Variants in APBA1 observed in about 807,000 individuals in gnomAD.
APBA1 encodes amyloid-beta A4 precursor protein-binding family A member 1.
In APBA1, 55 loss-of-function variants were observed where a neutral mutation model predicts 86.6. The ratio of observed to expected loss-of-function variants is 0.64; its 90% CI spans 0.51 to 0.80. The LOEUF is 0.80. Ranked by LOEUF, APBA1 falls within the 30% of genes least tolerant of loss-of-function variation. The pLI is 0.00. For missense variants in APBA1, 1,090 were observed against 1,183.0 expected (o/e 0.92, Z 1.15); for synonymous variants, 511 against 493.9 (o/e 1.03, Z -0.46).
intron 1 of APBA1, among the ~76,000 whole-genome samples, chr9:69,596,360 T>A (rs908420095): frequency 2.6e-5 from 4 of 152,230 alleles, no homozygotes; most frequent in Non-Finnish European, 5.9e-5. Context: ...TTTTATTCTT[T>A]CCAGGCATCT....
chr9:69,630,454 C>T (rs565579552), intron 1 of APBA1, among the ~76,000 whole-genome samples: 1 of 152,174 alleles, frequency 6.6e-6, no homozygotes, highest in Non-Finnish European at 1.5e-5. Context: ...CCATTCCACC[C>T]TCCTGGTCGC....
chr9:69,456,757 G>A (rs982717373), intron 7 of APBA1, among the ~76,000 whole-genome samples: 30 of 151,826 alleles, frequency 2.0e-4, no homozygotes, highest in African/African-American at 7.0e-4. Context: ...GTGAATGTAA[G>A]AGATTTTAAA....
chr9:69,609,998 G>A (rs1352590272), intron 1 of APBA1, among the ~76,000 whole-genome samples: 1 of 152,096 alleles, frequency 6.6e-6, no homozygotes, highest in Non-Finnish European at 1.5e-5. Context: ...CTTGGGATCC[G>A]ATCTGATTAT....
chr9:69,432,394 C>A, intron 12 of APBA1, 142 bp downstream of exon 12: 1 of 763,604 alleles, frequency 1.3e-6, no homozygotes, highest in South Asian at 4.5e-5. Flanking sequence ...TGGTCAGAGA[C>A]AGGTCTGCTT....
At chr9:69,626,225 C>T (rs1822924613) in intron 1 of APBA1, among the ~76,000 whole-genome samples, 1 of 151,744 alleles carries the variant, frequency 6.6e-6, no homozygotes, top group African/African-American at 2.4e-5. Context: ...GAGCTTCAGC[C>T]ACAAGCATGG....
At chr9:69,645,695 G>A (rs1283795248) in intron 1 of APBA1, among the ~76,000 whole-genome samples, 1 of 152,212 alleles carries the variant, frequency 6.6e-6, no homozygotes. Flanking sequence ...TGGCCTTGTA[G>A]CTGCACACTC....
At chr9:69,550,383 T>C (rs1287847109) in intron 1 of APBA1, among the ~76,000 whole-genome samples, 1 of 152,222 alleles carries the variant, frequency 6.6e-6, no homozygotes, top group Non-Finnish European at 1.5e-5. Flanking sequence ...AATTCAGTCA[T>C]CCTTTATTTT....
At chr9:69,486,403 G>C in intron 2 of APBA1, among the ~76,000 whole-genome samples, 1 of 152,058 alleles carries the variant, frequency 6.6e-6, no homozygotes, top group South Asian at 2.1e-4. Flanking sequence ...TTGTTCCTTC[G>C]ACAGACATCT....
chr9:69,626,221 CAGCCACA>C (rs559946845), intron 1 of APBA1, among the ~76,000 whole-genome samples: 183 of 152,298 alleles, frequency 1.2e-3, no homozygotes, highest in African/African-American at 4.1e-3. Flanking sequence ...AACTGAGCTT[CAGCCACA>C]AGCATGGACC....
At chr9:69,529,356 G>A (rs561140560) in intron 1 of APBA1, among the ~76,000 whole-genome samples, 35 of 152,160 alleles carry the variant, frequency 2.3e-4, no homozygotes, top group African/African-American at 8.4e-4. Context: ...CCTTAAATTT[G>A]AATTTGATGA....
chr9:69,602,560 G>C (rs186585065), intron 1 of APBA1, among the ~76,000 whole-genome samples: 149 of 151,878 alleles, frequency 9.8e-4, no homozygotes, highest in African/African-American at 3.5e-3. Flanking sequence ...GACGGAGAGA[G>C]ACTCTGTCTC....
chr9:69,471,725 G>T, intron 3 of APBA1, 30 bp from the exon 4 acceptor site: 1 of 1,590,748 alleles, frequency 6.3e-7, no homozygotes, highest in Non-Finnish European at 8.6e-7. Context: ...GTTTCAAAAA[G>T]AGCAAAGCAT....
intron 1 of APBA1, among the ~76,000 whole-genome samples, chr9:69,610,208 T>A (rs1267342529): frequency 6.6e-6 from 1 of 152,150 alleles, no homozygotes; most frequent in East Asian, 1.9e-4. Context: ...TAGTCCTAGC[T>A]GCTTTTGAGG....
chr9:69,450,554 C>T (rs1366899773), intron 9 of APBA1, among the ~76,000 whole-genome samples: 2 of 152,190 alleles, frequency 1.3e-5, no homozygotes, highest in Non-Finnish European at 2.9e-5. Flanking sequence ...CTGCTTCCCC[C>T]AGCTGCTGAA....
intron 1 of APBA1, among the ~76,000 whole-genome samples, chr9:69,633,299 T>C (rs1402870569): frequency 6.6e-6 from 1 of 152,066 alleles, no homozygotes; most frequent in African/African-American, 2.4e-5. Context: ...CTCTTCTAAA[T>C]TACCTGATTC....
At position 69,537,478 on chromosome 9, in the gene APBA1, A is replaced by G. The variant is rs2133913891; in HGVS notation, c.-69-20199T>C. Among the ~76,000 whole-genome samples the G allele has an allele frequency of 1.3e-5, 2 of 152,102 alleles. 1 individual carries two copies. Among genetic ancestry groups the G allele is most frequent in the South Asian group, 4.2e-4 (2 of 4,806 alleles). On this transcript the variant is annotated intron_variant, in intron 1 of 12. Coordinates refer to ENST00000265381, the MANE Select transcript of APBA1 (RefSeq NM_001163.4). ...CCTCAATTCAGGCAAGGAGAGCTGG[A>G]AAAAGAGGACCCAGATGGCACTGGC...
At chr9:69,552,907 C>CTTTT (rs34026305) in intron 1 of APBA1, among the ~76,000 whole-genome samples, 4 of 135,532 alleles carry the variant, frequency 3.0e-5, no homozygotes, top group Non-Finnish European at 4.7e-5. Context: ...CTTTCTTGGG[C>CTTTT]TTTTTTTTTT....
rs1564099121 is a variant in APBA1, at chr9:69,636,987, A to AAAGAAAGAAAG, written c.-70+35165_-70+35166insCTTTCTTTCTT. Among the ~76,000 whole-genome samples, 102 of 96,394 alleles carry AAAGAAAGAAAG rather than the reference A, an allele frequency of 1.1e-3. 11 individuals are homozygous for AAAGAAAGAAAG. The highest frequency in any genetic ancestry group is 4.5e-3 in the East Asian group (10 of 2,224). The allele number at this position is 96,394 out of a possible 152,430, so 63.2% of individuals were successfully genotyped here. A position where few individuals can be genotyped will look rare whatever the true frequency, so the allele number is the denominator to read the frequency against. On this transcript the variant is annotated intron_variant, in intron 1 of 12. Coordinates refer to ENST00000265381, the MANE Select transcript of APBA1 (RefSeq NM_001163.4). ...AGAAAGAAAGAAAGAAAGAAAGAAA[A>AAAGAAAGAAAG]ATGTGATACATATACACAGTGGAGT... is the stretch of plus-strand genomic sequence containing the variant.
intron 1 of APBA1, among the ~76,000 whole-genome samples, chr9:69,556,700 C>G (rs1016061572): frequency 6.6e-6 from 1 of 152,100 alleles, no homozygotes; most frequent in African/African-American, 2.4e-5. Flanking sequence ...TTTGTGTCAA[C>G]CAAAAGCACC....
Sources: gnomAD v4.1 joint callset for allele counts (sites outside exome capture counted in the v4.1 genomes callset) on GRCh38, gnomAD v4.1.1 for gene constraint, MANE v1.5 for transcripts, NCBI Gene and HGNC (gene_info 2026-07-23, HGNC 2026-07-21) for gene names.